Variants in FBLN1 observed in about 807,000 individuals in gnomAD.
FBLN1 encodes the protein fibulin-1.
A neutral mutation model predicts 89.7 loss-of-function variants in FBLN1; 34 were observed. The observed-to-expected ratio is 0.38, with a 90% CI of 0.29 to 0.50. The LOEUF (loss-of-function observed/expected upper bound fraction) is 0.50, where lower values mean the gene tolerates loss of function less well. Among genes scored for constraint, FBLN1 ranks in the 20% least tolerant of loss-of-function variants. The pLI, the probability that FBLN1 is intolerant of heterozygous loss-of-function variation, is 0.92. For missense variants in FBLN1, 777 were observed against 988.1 expected, an observed-to-expected ratio of 0.79 and a Z score of 2.86; for synonymous variants, 393 against 391.3, an observed-to-expected ratio of 1.00 and a Z score of -0.05.
chr22:45,557,091 A>G lies in FBLN1; in HGVS notation c.1697+6476A>G, dbSNP rs971331405. Reference sequence around the variant, plus strand: ...CTTCAAAAGGCCATTCCACTATCCTATCAATCTACCTGCTTCACGACGATG... The same window carrying G: ...CTTCAAAAGGCCATTCCACTATCCTGTCAATCTACCTGCTTCACGACGATG... On this transcript the variant is annotated intron_variant, in intron 14 of 16. Coordinates refer to ENST00000327858, the MANE Select transcript of FBLN1 (RefSeq NM_006486.3). The surrounding 1 kb of genome is among the most constrained non-coding windows in gnomAD (Gnocchi z 4.9). 2.6e-5 allele frequency among the ~76,000 whole-genome samples: 4 copies of G among 152,288 alleles called. No individual in the cohort carries two copies. Among genetic ancestry groups the G allele is most frequent in the East Asian group, 1.9e-4 (1 of 5,182 alleles).
intron 2 of FBLN1, among the ~76,000 whole-genome samples, chr22:45,522,367 A>G (rs997916143): frequency 6.6e-6 from 1 of 152,170 alleles, no homozygotes; most frequent in Non-Finnish European, 1.5e-5. Context: ...ACAAATCTTT[A>G]TTGGTTCTTG....
At position 45,526,338 on chromosome 22, in the gene FBLN1, T is replaced by C. The variant is rs548692526; in HGVS notation, c.321+660T>C. Among the ~76,000 whole-genome samples, 4 of 152,278 alleles carry C rather than the reference T, an allele frequency of 2.6e-5. No individual in the cohort carries two copies. The East Asian group carries it at 7.8e-4, about 30-fold the overall frequency. On this transcript the variant is annotated intron_variant, in intron 3 of 16. Coordinates refer to ENST00000327858, the MANE Select transcript of FBLN1 (RefSeq NM_006486.3). ...AGGACCGCTATGGCCGTGGAAGGGC[T>C]GTGTCTTTGCAAGAGGTGGAAAGGT...
In FBLN1 at chr22:45,590,929, G is replaced by C. The variant is rs1201168752; in HGVS notation, c.1973-9378G>C. The stretch of plus-strand genomic sequence containing the variant: ...AGAAATTGGAGTGGACTCCGAGTTT[G>C]GGTCGGGGGCCCAGGAGGACCCCAC... On this transcript the variant is annotated intron_variant, in intron 16 of 16. Transcript: ENST00000327858. This position sits in a 1 kb window ranked among gnomAD's most constrained non-coding sequence, Gnocchi z 4.1. 1.3e-5 allele frequency among the ~76,000 whole-genome samples: 2 copies of C among 151,938 alleles called. No homozygotes were observed. Among genetic ancestry groups the C allele is most frequent in the East Asian group, 3.9e-4 (2 of 5,178 alleles).
chr22:45,573,674 C>G lies in FBLN1; in HGVS notation c.1698-837C>G, dbSNP rs182089242. On this transcript the variant is annotated intron_variant, in intron 14 of 16. Coordinates refer to ENST00000327858, the MANE Select transcript of FBLN1 (RefSeq NM_006486.3). ...CCAGTCTGGGTGACAGAGCGAGACTCTGTCTCAAAAAAAAAAAAAAAAAAA... is the reference window on the plus strand; with the variant it reads ...CCAGTCTGGGTGACAGAGCGAGACTGTGTCTCAAAAAAAAAAAAAAAAAAA... Among the ~76,000 whole-genome samples the G allele has an allele frequency of 4.7e-4, 33 of 69,558 alleles. No individual in the cohort carries two copies. In the East Asian group the frequency reaches 0.011, roughly 24 times the overall value. 45.6% of individuals were successfully genotyped at this position (69,558 alleles called of 152,430 possible). A position where few individuals can be genotyped will look rare whatever the true frequency, so the allele number is the denominator to read the frequency against.
At chr22:45,565,651 G>A (rs553395310) in intron 14 of FBLN1, 1 of 190,024 alleles carries the variant, frequency 5.3e-6, no homozygotes, top group African/African-American at 2.3e-5. Context: ...TGCAATGTTT[G>A]GCTTGAAGAA....
chr22:45,560,851 TA>T (rs2088842690), intron 14 of FBLN1, among the ~76,000 whole-genome samples: 1 of 152,094 alleles, frequency 6.6e-6, no homozygotes, highest in Non-Finnish European at 1.5e-5. Flanking sequence ...ACAGGGGTGT[TA>T]GGGGTGGCTC....
At chr22:45,565,432 A>G (rs1356098830) in intron 14 of FBLN1, 1 of 464,962 alleles carries the variant, frequency 2.2e-6, no homozygotes, top group South Asian at 2.1e-5. Flanking sequence ...AGCATGTGCC[A>G]TGCTGTCCCC....
In FBLN1 at chr22:45,597,753, G is replaced by A. The variant is rs1023962930; in HGVS notation, c.1973-2554G>A. On this transcript the variant is annotated intron_variant, in intron 16 of 16. Transcript: ENST00000327858. This position sits in a 1 kb window ranked among gnomAD's most constrained non-coding sequence, Gnocchi z 4.2. ...ATGTCATCACCAGGTAGCAGGCAGA[G>A]CAAGGGTGCTGACAGCCTGCAGAAG... Among the ~76,000 whole-genome samples, 1 of 152,230 alleles carries A rather than the reference G, an allele frequency of 6.6e-6. No homozygotes were observed. Among genetic ancestry groups the A allele is most frequent in the Non-Finnish European group, 1.5e-5 (1 of 68,044 alleles).
intron 14 of FBLN1, among the ~76,000 whole-genome samples, chr22:45,567,046 T>C (rs112086772): frequency 9.9e-4 from 151 of 152,246 alleles, no homozygotes; most frequent in African/African-American, 3.5e-3. Context: ...CACAGAAAGG[T>C]GAAGGAACTT....
chr22:45,518,294 T>A (rs1437764734), intron 1 of FBLN1, among the ~76,000 whole-genome samples: 1 of 152,110 alleles, frequency 6.6e-6, no homozygotes, highest in Non-Finnish European at 1.5e-5. Flanking sequence ...TGGCCGTGCC[T>A]CTGTCATCAG....
chr22:45,524,105 G>A (rs866676971), intron 2 of FBLN1, among the ~76,000 whole-genome samples: 1 of 152,368 alleles, frequency 6.6e-6, no homozygotes, highest in South Asian at 2.1e-4. Flanking sequence ...CCTGAAGGCA[G>A]TTTTGAGACA....
At position 45,576,829 on chromosome 22, in the gene FBLN1, CAG is replaced by C. The variant is rs2089001225; in HGVS notation, c.1841-147_1841-146del. ...TCCAGACCCCTCCACCCTCCCCACA[CAG>C]GGGATCTCTGGCTTCATTGATGTTG... On this transcript the variant is annotated intron_variant, in intron 15 of 16. Transcript: ENST00000327858. This position sits in a 1 kb window ranked among gnomAD's most constrained non-coding sequence, Gnocchi z 5.2. 2 of 914,108 alleles carry C rather than the reference CAG, an allele frequency of 2.2e-6. No individual in the cohort carries two copies. Among genetic ancestry groups the C allele is most frequent in the Admixed American group, 4.0e-5 (2 of 50,066 alleles). The allele number at this position is 914,108 out of a possible 1,614,324, so 56.6% of individuals were successfully genotyped here. A position where few individuals can be genotyped will look rare whatever the true frequency, so the allele number is the denominator to read the frequency against.
chr22:45,522,230 G>A (rs1247541284), intron 2 of FBLN1, among the ~76,000 whole-genome samples: 2 of 152,124 alleles, frequency 1.3e-5, no homozygotes, highest in African/African-American at 4.8e-5. Context: ...CAAGTGATTG[G>A]ACGCCTCAGC....
rs530809620 is a variant in FBLN1 at position 45,579,281 on chromosome 22, C to T, written c.1972+2173C>T. On this transcript the variant is annotated intron_variant, in intron 16 of 16. Coordinates refer to ENST00000327858, the MANE Select transcript of FBLN1 (RefSeq NM_006486.3). The surrounding 1 kb of genome is among the most constrained non-coding windows in gnomAD (Gnocchi z 5.5). ...CCTAGAGACCATCCCTTCCTTCTTC[C>T]GTAGGAGGGGAAACTGAGGCCCGGA... 3.3e-5 allele frequency among the ~76,000 whole-genome samples: 5 copies of T among 152,376 alleles called. No homozygotes were observed. In the East Asian group the frequency reaches 5.8e-4, roughly 18 times the overall value.
At chr22:45,598,160 G>C (rs987927915) in intron 16 of FBLN1, among the ~76,000 whole-genome samples, 2 of 152,224 alleles carry the variant, frequency 1.3e-5, no homozygotes, top group African/African-American at 4.8e-5. Flanking sequence ...TGAAGCTGCA[G>C]GCTCCATATT....
rs539320034 is a variant in FBLN1, at chr22:45,559,504, C to T, written c.1697+8889C>T. ...CCTTTCCAACCATAAAAGCCCTCAC[C>T]CTACCAGTCAGGGAGCCAGTGTGGG... On this transcript the variant is annotated intron_variant, in intron 14 of 16. Transcript: ENST00000327858. 3.9e-5 allele frequency among the ~76,000 whole-genome samples: 6 copies of T among 152,326 alleles called. No homozygotes were observed. In the South Asian group the frequency reaches 1.0e-3, roughly 26 times the overall value.
rs975417917 is a variant in FBLN1, at chr22:45,577,623, G to T, written c.1972+515G>T. ...TGAGCAGTAGTCGTCCCCTCCCTAC[G>T]CATCAGTTGGTAAGAGGACCAAGGC... On this transcript the variant is annotated intron_variant, in intron 16 of 16. Transcript: ENST00000327858. This position sits in a 1 kb window ranked among gnomAD's most constrained non-coding sequence, Gnocchi z 6.6. Among the ~76,000 whole-genome samples, 1 of 152,212 alleles carries T rather than the reference G, an allele frequency of 6.6e-6. No individual in the cohort carries two copies. Among genetic ancestry groups the T allele is most frequent in the Non-Finnish European group, 1.5e-5 (1 of 68,040 alleles).
intron 8 of FBLN1, among the ~76,000 whole-genome samples, chr22:45,540,878 G>A (rs778320695): frequency 6.6e-6 from 1 of 152,242 alleles, no homozygotes; most frequent in African/African-American, 2.4e-5. Context: ...AGAGTTGCTG[G>A]CACCACGTGG....
chr22:45,529,522 C>A (rs769227705), intron 4 of FBLN1, among the ~76,000 whole-genome samples: 1 of 152,158 alleles, frequency 6.6e-6, no homozygotes, highest in Non-Finnish European at 1.5e-5. Context: ...GTGTAGTTTT[C>A]GGCCTGTTCC....
Sources: allele counts gnomAD v4.1 joint callset (sites outside exome capture counted in the v4.1 genomes callset), GRCh38; gene constraint gnomAD v4.1.1; non-coding constraint Gnocchi (gnomAD v3.1); transcripts MANE v1.5; gene names NCBI Gene and HGNC (gene_info 2026-07-23, HGNC 2026-07-21).